The following MAST4 variants were observed in gnomAD, a reference collection of about 807,000 sequenced individuals.
MAST4 encodes microtubule-associated serine/threonine-protein kinase 4.
In MAST4, 89 loss-of-function variants were observed where a neutral mutation model predicts 162.7. That is an observed-to-expected ratio of 0.55 (90% CI 0.46 to 0.65). The LOEUF (loss-of-function observed/expected upper bound fraction) is 0.65. MAST4 is among the 30% of genes least tolerant of loss of function. MAST4 has a pLI of 0.00. For synonymous variants in MAST4, 1,479 were observed against 1,361.1 expected, an observed-to-expected ratio of 1.09 and a Z score of -1.91; for missense variants, 3,153 against 3,374.0, an observed-to-expected ratio of 0.93 and a Z score of 1.62.
intron 4 of MAST4, among the ~76,000 whole-genome samples, chr5:66,977,681 C>T (rs1748324061): frequency 6.6e-6 from 1 of 152,134 alleles, no homozygotes; most frequent in Non-Finnish European, 1.5e-5. Context: ...CTTGGGTTTA[C>T]ATTAGCTGTT....
chr5:66,892,799 G>T (rs1368433229), intron 3 of MAST4, among the ~76,000 whole-genome samples: 1 of 152,158 alleles, frequency 6.6e-6, no homozygotes, highest in East Asian at 1.9e-4. Flanking sequence ...AGGTTCATTT[G>T]ATTCCACTAT....
At chr5:67,146,179 G>C (rs1771059927) in intron 23 of MAST4, among the ~76,000 whole-genome samples, 1 of 137,262 alleles carries the variant, frequency 7.3e-6, no homozygotes, top group Non-Finnish European at 1.7e-5. Flanking sequence ...CAGCCAAGGG[G>C]GCTTGGGCCT....
chr5:66,707,178 T>C (rs1750189261), intron 1 of MAST4, among the ~76,000 whole-genome samples: 1 of 152,206 alleles, frequency 6.6e-6, no homozygotes, highest in Non-Finnish European at 1.5e-5. Flanking sequence ...GGGAGTCCTG[T>C]CAACTGGCTG....
intron 3 of MAST4, among the ~76,000 whole-genome samples, chr5:66,796,491 C>G (rs1755652126): frequency 6.6e-6 from 1 of 152,100 alleles, no homozygotes; most frequent in Non-Finnish European, 1.5e-5. Context: ...TGGAGCAGCT[C>G]TCTGCATGGG....
At chr5:67,159,135 T>G (rs1438708696) in intron 26 of MAST4, among the ~76,000 whole-genome samples, 4 of 152,224 alleles carry the variant, frequency 2.6e-5, no homozygotes, top group African/African-American at 9.6e-5. Context: ...AAAAATCATG[T>G]TTTTAAAGAT....
rs1395728769 is a variant in MAST4 at position 67,015,866 on chromosome 5, ACT to A, written c.675-38533_675-38532del. On this transcript the variant is annotated intron_variant, in intron 4 of 28. Transcript: ENST00000403625. ...GGGAGCTTGTGGATGAGGCTGAATC[ACT>A]CTCTGAAACCTGATAACCTGATAAC... Among the ~76,000 whole-genome samples, 5 of 152,074 alleles carry A rather than the reference ACT, an allele frequency of 3.3e-5. No individual in the cohort carries two copies. In the East Asian group the frequency reaches 7.7e-4, roughly 24 times the overall value.
chr5:66,893,427 C>T lies in MAST4; in HGVS notation c.643-6524C>T, dbSNP rs112908781. On this transcript the variant is annotated intron_variant, in intron 3 of 28. Transcript: ENST00000403625. ...TTTTTTTGGTAGAGACGGGTTTCAC[C>T]GTTTTGGCCAGGCTGGTCTCGAACT... 7.5e-3 allele frequency among the ~76,000 whole-genome samples: 1,139 copies of T among 151,614 alleles called. 19 individuals carry two copies. Among genetic ancestry groups the T allele is most frequent in the African/African-American group, 0.026 (1,076 of 41,274 alleles).
chr5:66,949,259 GA>G (rs1744388061), intron 4 of MAST4, among the ~76,000 whole-genome samples: 3 of 152,210 alleles, frequency 2.0e-5, no homozygotes, highest in African/African-American at 7.2e-5. Context: ...GTTGGGCAAT[GA>G]TATGGTTTTG....
chr5:66,893,606 TAAATA>T (rs762124479), intron 3 of MAST4, among the ~76,000 whole-genome samples: 3 of 152,166 alleles, frequency 2.0e-5, no homozygotes, highest in Non-Finnish European at 2.9e-5. Context: ...AAAAGAAAAT[TAAATA>T]AAATCTGTAA....
chr5:67,031,829 G>A (rs1353551177), intron 4 of MAST4, among the ~76,000 whole-genome samples: 3 of 152,128 alleles, frequency 2.0e-5, no homozygotes, highest in Non-Finnish European at 2.9e-5. Context: ...CAGGATGGCA[G>A]TTCTCCCTGC....
At chr5:67,138,031 T>C (rs555571903) in intron 19 of MAST4, among the ~76,000 whole-genome samples, 2 of 152,344 alleles carry the variant, frequency 1.3e-5, no homozygotes, top group Admixed American at 1.3e-4. Flanking sequence ...GAGTGGACTT[T>C]TAACCTGAAA....
intron 1 of MAST4, among the ~76,000 whole-genome samples, chr5:66,633,227 G>T (rs1744900216): frequency 6.6e-6 from 1 of 152,122 alleles, no homozygotes; most frequent in South Asian, 2.1e-4. Context: ...AAGACAATCT[G>T]GTCATGCATG....
At chr5:66,687,180 C>T (rs912894378) in intron 1 of MAST4, among the ~76,000 whole-genome samples, 6 of 152,002 alleles carry the variant, frequency 3.9e-5, no homozygotes, top group East Asian at 3.9e-4. Context: ...ACCCATCACC[C>T]GAATAGTGAA....
intron 1 of MAST4, among the ~76,000 whole-genome samples, chr5:66,610,783 C>G (rs933899486): frequency 7.9e-5 from 12 of 152,252 alleles, no homozygotes; most frequent in Admixed American, 6.5e-4. Flanking sequence ...AAGGAACCCA[C>G]ACATTCAGCC....
At chr5:66,762,679 T>C (rs556498477) in intron 2 of MAST4, among the ~76,000 whole-genome samples, 26 of 152,252 alleles carry the variant, frequency 1.7e-4, no homozygotes, top group Non-Finnish European at 2.6e-4. Context: ...TTGCTAAACT[T>C]AAAATAAGTC....
At chr5:66,916,875 T>A (rs1764150542) in intron 4 of MAST4, 1 of 647,060 alleles carries the variant, frequency 1.5e-6, no homozygotes, top group African/African-American at 1.8e-5. Flanking sequence ...TAACTGACAT[T>A]CTTGTTGTTT....
chr5:67,065,710 T>C (rs1760148867), intron 5 of MAST4, among the ~76,000 whole-genome samples: 1 of 152,242 alleles, frequency 6.6e-6, no homozygotes, highest in South Asian at 2.1e-4. Context: ...TTAAATATCA[T>C]GTACAGGAAT....
intron 3 of MAST4, among the ~76,000 whole-genome samples, chr5:66,872,908 G>T (rs1176864819): frequency 6.6e-6 from 1 of 152,098 alleles, no homozygotes; most frequent in African/African-American, 2.4e-5. Context: ...TCTTTCTTTT[G>T]TCCTGTATTC....
chr5:66,808,072 G>C (rs1172624662), intron 3 of MAST4, among the ~76,000 whole-genome samples: 1 of 152,192 alleles, frequency 6.6e-6, no homozygotes, highest in African/African-American at 2.4e-5. Context: ...ACAGTCTTGA[G>C]GTGGAATGTC....
Sources: gnomAD v4.1 joint callset for allele counts (sites outside exome capture counted in the v4.1 genomes callset) on GRCh38, gnomAD v4.1.1 for gene constraint, MANE v1.5 for transcripts, NCBI Gene and HGNC (gene_info 2026-07-23, HGNC 2026-07-21) for gene names.